Variants in TRPM3 observed in about 807,000 individuals in gnomAD.
TRPM3 encodes transient receptor potential cation channel subfamily M member 3.
TRPM3 carries 77 observed loss-of-function variants against 181.2 expected under a neutral mutation model. That is an observed-to-expected ratio of 0.42 (90% CI 0.35 to 0.51). The LOEUF (loss-of-function observed/expected upper bound fraction) is 0.51, where lower values mean the gene tolerates loss of function less well. Among genes scored for constraint, TRPM3 ranks in the 20% least tolerant of loss-of-function variants. The probability of loss-of-function intolerance (pLI) is 0.01; values close to 1 mark genes in which losing one functional copy is unlikely to be tolerated. For synonymous variants in TRPM3, 745 were observed against 796.4 expected (o/e 0.94, Z 1.09); for missense variants, 1,759 against 2,196.7 (o/e 0.80, Z 3.98).
chr9:71,314,207 A>G (rs148996430), intron 1 of TRPM3, among the ~76,000 whole-genome samples: 2 of 152,154 alleles, frequency 1.3e-5, no homozygotes, highest in African/African-American at 4.8e-5. Flanking sequence ...ATAATACCCT[A>G]CTGGCCTTAA....
chr9:70,833,852 G>C (rs556842645), intron 5 of TRPM3, among the ~76,000 whole-genome samples: 25 of 152,262 alleles, frequency 1.6e-4, no homozygotes, highest in African/African-American at 5.3e-4. Flanking sequence ...GCTTTGGAGA[G>C]AGAGAAACAA....
intron 1 of TRPM3, among the ~76,000 whole-genome samples, chr9:71,180,199 T>C (rs985303291): frequency 6.6e-6 from 1 of 151,874 alleles, no homozygotes. Context: ...GGATTACAGA[T>C]GTGCATCAGC....
At chr9:70,983,334 C>G (rs1272531554) in intron 1 of TRPM3, among the ~76,000 whole-genome samples, 1 of 152,072 alleles carries the variant, frequency 6.6e-6, no homozygotes. Context: ...TCACTTTTTA[C>G]TACTTTATCC....
chr9:70,861,719 C>CA (rs2132374950), intron 3 of TRPM3, among the ~76,000 whole-genome samples: 1 of 152,256 alleles, frequency 6.6e-6, no homozygotes, highest in Admixed American at 6.5e-5. Flanking sequence ...AGGAAGTTGA[C>CA]AGATTTCCAT....
intron 8 of TRPM3, chr9:70,761,168 T>C (rs2078057361): frequency 5.1e-6 from 2 of 394,954 alleles, no homozygotes; most frequent in Admixed American, 8.3e-5. Context: ...TTTCTCCGTT[T>C]TCTACCTGTA....
intron 1 of TRPM3, among the ~76,000 whole-genome samples, chr9:70,977,214 C>A (rs1243675505): frequency 6.6e-6 from 1 of 152,108 alleles, no homozygotes; most frequent in Non-Finnish European, 1.5e-5. Flanking sequence ...GGCTCACTGC[C>A]ACCTCCGCCT....
intron 1 of TRPM3, among the ~76,000 whole-genome samples, chr9:71,257,353 C>T (rs1018773595): frequency 6.6e-6 from 1 of 151,976 alleles, no homozygotes; most frequent in Non-Finnish European, 1.5e-5. Context: ...AGACGGATCC[C>T]AGGTTGTCAA....
At chr9:70,918,560 C>A (rs2096624260) in intron 1 of TRPM3, among the ~76,000 whole-genome samples, 1 of 152,072 alleles carries the variant, frequency 6.6e-6, no homozygotes, top group Non-Finnish European at 1.5e-5. Flanking sequence ...TAAAAAATTT[C>A]TTGAAACAAA....
chr9:71,174,810 G>A (rs1357345031), intron 1 of TRPM3, among the ~76,000 whole-genome samples: 1 of 152,124 alleles, frequency 6.6e-6, no homozygotes, highest in Non-Finnish European at 1.5e-5. Context: ...TCCTGATGAT[G>A]AAAATGCAGC....
intron 1 of TRPM3, among the ~76,000 whole-genome samples, chr9:71,393,378 G>T (rs1188247236): frequency 6.6e-6 from 1 of 152,076 alleles, no homozygotes; most frequent in African/African-American, 2.4e-5. Context: ...ACCTAGCCTA[G>T]GTTGAAAAGA....
chr9:71,198,280 T>C (rs2078530054), intron 1 of TRPM3, among the ~76,000 whole-genome samples: 1 of 152,050 alleles, frequency 6.6e-6, no homozygotes, highest in Non-Finnish European at 1.5e-5. Context: ...TGTAGCCTTG[T>C]AGTATAGTTT....
chr9:70,830,022 T>G (rs2093792824), intron 5 of TRPM3, among the ~76,000 whole-genome samples: 1 of 152,216 alleles, frequency 6.6e-6, no homozygotes, highest in South Asian at 2.1e-4. Flanking sequence ...ATGCTTTAGT[T>G]ACTGTTCTCT....
intron 1 of TRPM3, among the ~76,000 whole-genome samples, chr9:71,178,989 A>G (rs1290331391): frequency 6.6e-6 from 1 of 152,202 alleles, no homozygotes; most frequent in Non-Finnish European, 1.5e-5. Flanking sequence ...TTAACATTTT[A>G]AAGAACAGTT....
chr9:71,338,101 AAAG>A (rs1353058674), intron 1 of TRPM3, among the ~76,000 whole-genome samples: 1 of 152,060 alleles, frequency 6.6e-6, no homozygotes, highest in East Asian at 1.9e-4. Context: ...AGAAAAAAAA[AAAG>A]AGCTTACCAC....
chr9:70,771,145 G>C (rs1258624285), intron 7 of TRPM3, among the ~76,000 whole-genome samples: 1 of 152,186 alleles, frequency 6.6e-6, no homozygotes, highest in African/African-American at 2.4e-5. Flanking sequence ...CGGGTGTTAG[G>C]ATAAGAATTC....
chr9:70,668,439 C>T (rs561130740), intron 9 of TRPM3, among the ~76,000 whole-genome samples: 72 of 151,956 alleles, frequency 4.7e-4, no homozygotes, highest in African/African-American at 1.6e-3. Context: ...CCGAGGCGGG[C>T]GGATCACGAG....
rs376371807 is a variant in TRPM3, at chr9:70,752,498, G to T, written c.1272+9103C>A. ...CTTTTTGATATTTTGGTAAAGAAGA[G>T]TTTATTAAACATGAGGCAAAAAGCA... On this transcript the variant is annotated intron_variant, in intron 8 of 25. Coordinates refer to ENST00000677713, the MANE Select transcript of TRPM3 (RefSeq NM_001366145.2). Among the ~76,000 whole-genome samples, 235 of 152,200 alleles carry T rather than the reference G, an allele frequency of 1.5e-3. 3 individuals are homozygous for T. In the South Asian group the frequency reaches 0.019, roughly 12 times the overall value.
intron 1 of TRPM3, among the ~76,000 whole-genome samples, chr9:71,133,976 TGTGTGTGTG>T (rs1565260835): frequency 3.2e-3 from 7 of 2,194 alleles, no homozygotes; most frequent in East Asian, 0.014. Flanking sequence ...TGTGTGTTTG[TGTGTGTGTG>T]TGTGTGTGTG....
chr9:70,940,143 G>A (rs924749758), intron 1 of TRPM3, among the ~76,000 whole-genome samples: 3 of 152,124 alleles, frequency 2.0e-5, no homozygotes, highest in Non-Finnish European at 4.4e-5. Context: ...CAGAATTTAT[G>A]TGCCAGCCTC....
Sources: gnomAD v4.1 joint callset for allele counts (sites outside exome capture counted in the v4.1 genomes callset) on GRCh38, gnomAD v4.1.1 for gene constraint, MANE v1.5 for transcripts, NCBI Gene and HGNC (gene_info 2026-07-23, HGNC 2026-07-21) for gene names.